CELA2B: variants seen among roughly 807,000 people sequenced by gnomAD.
CELA2B encodes the protein chymotrypsin-like elastase family member 2B.
CELA2B carries 27 observed loss-of-function variants against 36.5 expected under a neutral mutation model. That is an observed-to-expected ratio of 0.74 (90% CI 0.55 to 1.02). The LOEUF is 1.02. Among genes scored for constraint, CELA2B ranks in the 50% least tolerant of loss-of-function variants. The pLI, the probability that CELA2B is intolerant of heterozygous loss-of-function variation, is 0.00. For synonymous variants in CELA2B, 143 were observed against 148.5 expected (o/e 0.96, Z 0.27); for missense variants, 340 against 347.8 (o/e 0.98, Z 0.18).
rs150325360 is a variant in CELA2B at position 15,484,772 on chromosome 1, CA to C, written c.494-1128del. On this transcript the variant is annotated intron_variant, in intron 5 of 7. Transcript: ENST00000375910. Reference sequence around the variant, plus strand: ...AGCCACTTCCGAACCTCAGTTTCCTCATCTGTAAAATGGAAACACTGTTGGT... The same window carrying C: ...AGCCACTTCCGAACCTCAGTTTCCTCTCTGTAAAATGGAAACACTGTTGGT... Among the ~76,000 whole-genome samples, 727 of 152,282 alleles carry C rather than the reference CA, an allele frequency of 4.8e-3. 7 individuals are homozygous for C. The highest frequency in any genetic ancestry group is 0.022 in the East Asian group (114 of 5,184).
rs1308898782 is a variant in CELA2B, at chr1:15,487,423, G to T, written c.778G>T (p.Asp260Tyr). The change falls in exon 7 of 8, where the codon GAC (aspartate) becomes TAC (tyrosine). Residue 260 changes from aspartate (D) to tyrosine (Y), a missense_variant. Asp to Tyr is a radical substitution (Grantham distance 160). Coordinates refer to ENST00000375910, the MANE Select transcript of CELA2B (RefSeq NM_015849.3). ...CTTCACGCGGGTCTCCAACTACAACGACTGGATCAATTCGGTAAGAACCGG... is the reference window on the plus strand; with the variant it reads ...CTTCACGCGGGTCTCCAACTACAACTACTGGATCAATTCGGTAAGAACCGG... ...SIFTRVSNYNDWINSVIANN is the reference protein window; with the variant it reads ...SIFTRVSNYNYWINSVIANN 1 of 1,614,194 alleles carries T rather than the reference G, an allele frequency of 6.2e-7. No homozygotes were observed. The highest frequency in any genetic ancestry group is 1.7e-5 in the Admixed American group (1 of 60,028).
rs1218321785 is a variant in CELA2B at position 15,486,797 on chromosome 1, T to C, written c.640-488T>C. ...CACCAGGAATTGCTCTGTGTTGGAC[T>C]TAGCAGTGAAGTGGGGATGGAGTAG... On this transcript the variant is annotated intron_variant, in intron 6 of 7. Transcript: ENST00000375910. Among the ~76,000 whole-genome samples, 2 of 152,206 alleles carry C rather than the reference T, an allele frequency of 1.3e-5. 1 individual carries two copies. The highest frequency in any genetic ancestry group is 2.9e-5 in the Non-Finnish European group (2 of 68,042).
In CELA2B at chr1:15,481,191, A is replaced by G. The variant is rs1459090838; in HGVS notation, c.223A>G (p.Ile75Val). ...NSWVLTAAHC[I>V]SSSGIYRVML... ...CTGGGTCCTGACGGCTGCCCACTGC[A>G]TCAGGTAACTGCCATTCCCTGGGCG... The change falls in exon 3 of 8, where the codon ATC (isoleucine) becomes GTC (valine). Residue 75 changes from isoleucine to valine, a missense_variant. Physicochemically the swap from Ile to Val is conservative, Grantham distance 29. Coordinates refer to ENST00000375910, the MANE Select transcript of CELA2B (RefSeq NM_015849.3). The G allele has an allele frequency of 6.8e-6, 11 of 1,614,204 alleles. No homozygotes were observed. Among genetic ancestry groups the G allele is most frequent in the Non-Finnish European group, 9.3e-6 (11 of 1,180,030 alleles).
At chr1:15,479,972 G>A (rs1321879789) in intron 2 of CELA2B, among the ~76,000 whole-genome samples, 1 of 152,132 alleles carries the variant, frequency 6.6e-6, no homozygotes, top group African/African-American at 2.4e-5. Flanking sequence ...CAGGTCATCA[G>A]ACAGTTTTAA....
chr1:15,480,974 GT>G lies in CELA2B; in HGVS notation c.130-122del, dbSNP rs1302880140. Reference sequence around the variant, plus strand: ...GCTGAGGTTTTGGGTGCCCCCTTAAGTTGTGTACCTGAGGTGAGTGCCTCAC... The same window carrying G: ...GCTGAGGTTTTGGGTGCCCCCTTAAGTGTGTACCTGAGGTGAGTGCCTCAC... On this transcript the variant is annotated intron_variant, in intron 2 of 7. Coordinates refer to ENST00000375910, the MANE Select transcript of CELA2B (RefSeq NM_015849.3). 6 of 974,072 alleles carry G rather than the reference GT, an allele frequency of 6.2e-6. No homozygotes were observed. In the African/African-American group the frequency reaches 6.5e-5, roughly 11 times the overall value. 60.3% of individuals were successfully genotyped at this position (974,072 alleles called of 1,614,324 possible).
At chr1:15,478,199 G>A (rs922728902) in intron 2 of CELA2B, among the ~76,000 whole-genome samples, 1 of 105,118 alleles carries the variant, frequency 9.5e-6, no homozygotes, top group Non-Finnish European at 1.9e-5. Context: ...GGGAGGCTGA[G>A]GCATATATAT....
intron 2 of CELA2B, among the ~76,000 whole-genome samples, chr1:15,477,770 ACT>A (rs1489224037): frequency 2.0e-5 from 3 of 151,768 alleles, no homozygotes; most frequent in African/African-American, 7.3e-5. Context: ...TTGTTTCACA[ACT>A]CTCTTTCTGA....
chr1:15,480,971 T>TA (rs1708734606), intron 2 of CELA2B, 127 bp from the exon 3 acceptor site: 4 of 936,962 alleles, frequency 4.3e-6, no homozygotes, highest in Non-Finnish European at 6.7e-6. Context: ...GGTGCCCCCT[T>TA]AAGTTGTGTA....
intron 2 of CELA2B, among the ~76,000 whole-genome samples, chr1:15,477,276 G>A (rs757606328): frequency 1.3e-4 from 20 of 152,146 alleles, no homozygotes; most frequent in Admixed American, 3.3e-4. Flanking sequence ...GAAAATAAAT[G>A]TTTCTTAAGT....
chr1:15,489,051 C>T (rs368431565), intron 7 of CELA2B, among the ~76,000 whole-genome samples: 1 of 152,216 alleles, frequency 6.6e-6, no homozygotes, highest in Non-Finnish European at 1.5e-5. Context: ...GCACCACGCA[C>T]GTCAAAGGAG....
chr1:15,478,295 G>T (rs1708697801), intron 2 of CELA2B, among the ~76,000 whole-genome samples: 1 of 151,914 alleles, frequency 6.6e-6, no homozygotes, highest in Admixed American at 6.6e-5. Flanking sequence ...CCAGGCTGGA[G>T]TGCAATGGTA....
At chr1:15,488,228 AT>A (rs546435622) in intron 7 of CELA2B, among the ~76,000 whole-genome samples, 9 of 149,102 alleles carry the variant, frequency 6.0e-5, no homozygotes, top group South Asian at 2.1e-4. Flanking sequence ...CTTTACAAAG[AT>A]TTTTTTTTTT....
intron 2 of CELA2B, 60 bp from the exon 3 acceptor site, chr1:15,481,038 C>G (rs561273044): frequency 6.3e-7 from 1 of 1,592,872 alleles, no homozygotes; most frequent in Non-Finnish European, 8.6e-7. Flanking sequence ...TCTTGGGAAA[C>G]TGGAGTGCAG....
At chr1:15,487,202 A>G (rs938029207) in intron 6 of CELA2B, 83 bp from the exon 7 acceptor site, 1 of 1,316,270 alleles carries the variant, frequency 7.6e-7, no homozygotes. Context: ...GCAGCAGAAC[A>G]ATAGAAATGC....
chr1:15,478,911 C>T (rs138197984), intron 2 of CELA2B, among the ~76,000 whole-genome samples: 3 of 152,032 alleles, frequency 2.0e-5, no homozygotes, highest in East Asian at 1.9e-4. Context: ...AGCCCTGCAC[C>T]GTGGCTTATG....
intron 2 of CELA2B, among the ~76,000 whole-genome samples, chr1:15,478,731 ATTT>A (rs1351122287): frequency 6.7e-6 from 1 of 148,462 alleles, no homozygotes; most frequent in Admixed American, 6.7e-5. Context: ...ACACCAGCAA[ATTT>A]TTTTTGTATT....
intron 3 of CELA2B, chr1:15,481,621 A>G (rs1009539833): frequency 3.8e-5 from 18 of 476,520 alleles, no homozygotes; most frequent in Admixed American, 9.4e-5. Context: ...TAAGTGCTCA[A>G]TGAAAGCTAA....
At chr1:15,483,138 G>A in intron 4 of CELA2B, 126 bp from the exon 5 acceptor site, 2 of 1,433,412 alleles carry the variant, frequency 1.4e-6, no homozygotes, top group South Asian at 1.3e-5. Context: ...TGCCCTGTGG[G>A]CCCTGCCGGT....
intron 5 of CELA2B, among the ~76,000 whole-genome samples, chr1:15,484,624 C>T (rs1029747474): frequency 2.0e-5 from 3 of 152,136 alleles, no homozygotes; most frequent in African/African-American, 7.2e-5. Flanking sequence ...AGCACAACCA[C>T]CTGTTTGTTT....
Sources: allele counts gnomAD v4.1 joint callset (sites outside exome capture counted in the v4.1 genomes callset), GRCh38; gene constraint gnomAD v4.1.1; transcripts MANE v1.5; gene names NCBI Gene and HGNC (gene_info 2026-07-23, HGNC 2026-07-21).